Variants in CAPN3 observed in about 807,000 individuals in gnomAD.
CAPN3 encodes calpain-3.
CAPN3 carries 88 observed loss-of-function variants against 114.0 expected under a neutral mutation model. The observed-to-expected ratio is 0.77, with a 90% CI of 0.65 to 0.92. CAPN3 has a LOEUF of 0.92. Ranked by LOEUF, CAPN3 falls within the 40% of genes least tolerant of loss-of-function variation. CAPN3 has a pLI of 0.00. For missense variants in CAPN3, 1,028 were observed against 1,069.0 expected (o/e 0.96, Z 0.53); for synonymous variants, 386 against 382.9 (o/e 1.01, Z -0.09).
At chr15:42,380,696 A>G (rs2053219661) in intron 1 of CAPN3, among the ~76,000 whole-genome samples, 1 of 142,908 alleles carries the variant, frequency 7.0e-6, no homozygotes, top group East Asian at 2.0e-4. Context: ...CCTGTGACAC[A>G]GTTCAAACGG....
intron 2 of CAPN3, among the ~76,000 whole-genome samples, chr15:42,385,078 T>C (rs1276778540): frequency 6.6e-6 from 1 of 152,248 alleles, no homozygotes; most frequent in Non-Finnish European, 1.5e-5. Flanking sequence ...ATTGGTTAGC[T>C]TGACTGCTCC....
intron 1 of CAPN3, among the ~76,000 whole-genome samples, chr15:42,368,153 G>GT (rs2052837088): frequency 6.6e-6 from 1 of 152,172 alleles, no homozygotes; most frequent in South Asian, 2.1e-4. Flanking sequence ...TACTTGAGGT[G>GT]TTTTTGCAGT....
chr15:42,392,564 G>C, intron 6 of CAPN3, 75 bp from the exon 7 acceptor site: 2 of 1,132,660 alleles, frequency 1.8e-6, no homozygotes, highest in Admixed American at 1.9e-5. Context: ...AAATGAACTA[G>C]TATGAACTTT....
In CAPN3 at chr15:42,384,541, A is replaced by G; in HGVS notation, c.368A>G (p.Gln123Arg). The change falls in exon 2 of 24, where the codon CAA becomes CGA. Residue 123 changes from glutamine to arginine, a missense_variant. Gln to Arg is a conservative substitution (Grantham distance 43, BLOSUM62 1). Transcript: ENST00000397163. ...GGAGCCAACAGAACTGACATCTGTCAAGGAGAGCTAGGTAGGAAAGTGCCT... is the reference window on the plus strand; with the variant it reads ...GGAGCCAACAGAACTGACATCTGTCGAGGAGAGCTAGGTAGGAAAGTGCCT... ...IDGANRTDICQGELGDCWFLA... is the reference protein window; with the variant it reads ...IDGANRTDICRGELGDCWFLA... The G allele has an allele frequency of 1.2e-6, 2 of 1,613,304 alleles. No homozygotes were observed. Among genetic ancestry groups the G allele is most frequent in the Non-Finnish European group, 1.7e-6 (2 of 1,179,216 alleles).
At chr15:42,384,403 T>G (rs2053328013) in intron 1 of CAPN3, 80 bp from the exon 2 acceptor site, 2 of 1,031,522 alleles carry the variant, frequency 1.9e-6, no homozygotes, top group Non-Finnish European at 3.1e-6. Context: ...AGAGTGAGAC[T>G]CCGTCTCAAA....
At chr15:42,367,634 T>C (rs2141118783) in intron 1 of CAPN3, among the ~76,000 whole-genome samples, 1 of 152,338 alleles carries the variant, frequency 6.6e-6, no homozygotes, top group South Asian at 2.1e-4. Flanking sequence ...ATAAAGGTTT[T>C]AAAGAGAAAA....
intron 6 of CAPN3, among the ~76,000 whole-genome samples, chr15:42,390,773 GTTTTTTTTGTTTTTTTGT>G (rs2053530409): frequency 7.8e-6 from 1 of 127,456 alleles, no homozygotes; most frequent in Non-Finnish European, 1.7e-5. Flanking sequence ...TTTTCAGTTA[GTTTTTTTTGTTTTTTTGT>G]TTTTTTTTTT....
chr15:42,412,215 T>TAA lies in CAPN3; in HGVS notation c.*443_*444dup. On this transcript the variant is annotated 3_prime_UTR_variant, in exon 24 of 24. Transcript: ENST00000397163. ...TGGGTTCTACTGCTGTGGGGTAAACTAACTCAGTGGAATAGGGCTGGTTAC... is the reference window on the plus strand; with the variant it reads ...TGGGTTCTACTGCTGTGGGGTAAACTAAAACTCAGTGGAATAGGGCTGGTTAC... 6.5e-7 allele frequency: 1 copy of TAA among 1,533,130 alleles called. No individual in the cohort carries two copies. The highest frequency in any genetic ancestry group is 8.7e-7 in the Non-Finnish European group (1 of 1,144,376). The allele number at this position is 1,533,130 out of a possible 1,614,324, so 95.0% of individuals were successfully genotyped here.
intron 6 of CAPN3, among the ~76,000 whole-genome samples, chr15:42,391,347 G>T (rs1397415210): frequency 6.6e-6 from 1 of 152,104 alleles, no homozygotes; most frequent in African/African-American, 2.4e-5. Context: ...TAGAATTGCT[G>T]GGTTGAATGA....
chr15:42,402,539 G>A, intron 12 of CAPN3: 7 of 1,451,460 alleles, frequency 4.8e-6, no homozygotes, highest in Non-Finnish European at 5.4e-6. Context: ...GGGCTTCGGA[G>A]CTGAGGAGCA....
intron 1 of CAPN3, among the ~76,000 whole-genome samples, chr15:42,370,164 C>T (rs1013391569): frequency 6.6e-6 from 1 of 152,116 alleles, no homozygotes; most frequent in African/African-American, 2.4e-5. Flanking sequence ...TGAGTCACTG[C>T]GCCTGGTCTC....
At chr15:42,377,718 T>C (rs540363937) in intron 1 of CAPN3, among the ~76,000 whole-genome samples, 1 of 152,348 alleles carries the variant, frequency 6.6e-6, no homozygotes, top group East Asian at 1.9e-4. Context: ...GCTTCTATTT[T>C]ATGGAAGATA....
In CAPN3 at chr15:42,389,122, G is replaced by A. The variant is rs761160744; in HGVS notation, c.801+26G>A. ...GTAAGTCTGGGGTGTGGGGCACAGG[G>A]TGGGGAGCTCCAAGTGTCAGGAAGC... On this transcript the variant is annotated intron_variant, in intron 5 of 23. Coordinates refer to ENST00000397163, the MANE Select transcript of CAPN3 (RefSeq NM_000070.3). The A allele has an allele frequency of 1.7e-5, 27 of 1,611,698 alleles. 1 individual carries two copies. The South Asian group carries it at 2.7e-4, about 16-fold the overall frequency.
chr15:42,408,078 G>C, intron 15 of CAPN3, 133 bp from the exon 16 acceptor site: 1 of 667,170 alleles, frequency 1.5e-6, no homozygotes, highest in East Asian at 2.9e-5. Context: ...AGCTTGAACC[G>C]AGGTTGAAGA....
intron 2 of CAPN3, among the ~76,000 whole-genome samples, chr15:42,385,301 C>T (rs2053363792): frequency 6.6e-6 from 1 of 152,108 alleles, no homozygotes; most frequent in Admixed American, 6.5e-5. Flanking sequence ...GGTTCCTGCA[C>T]CTGAGGGAAG....
At chr15:42,360,355 C>T (rs1210226351) in intron 1 of CAPN3, among the ~76,000 whole-genome samples, 1 of 149,504 alleles carries the variant, frequency 6.7e-6, no homozygotes, top group African/African-American at 2.5e-5. Flanking sequence ...TATGCTCTGG[C>T]TCTTTCTCTC....
chr15:42,376,483 C>A (rs1300821476), intron 1 of CAPN3, among the ~76,000 whole-genome samples: 1 of 151,338 alleles, frequency 6.6e-6, no homozygotes, highest in African/African-American at 2.4e-5. Flanking sequence ...TAGGTTGTCC[C>A]AGCTTTCTTC....
At chr15:42,373,650 A>G (rs1318984395) in intron 1 of CAPN3, among the ~76,000 whole-genome samples, 6 of 140,294 alleles carry the variant, frequency 4.3e-5, no homozygotes, top group African/African-American at 6.4e-5. Flanking sequence ...GCAACAGTGG[A>G]TATCTGCTCA....
chr15:42,408,878 C>T, intron 16 of CAPN3: 1 of 277,864 alleles, frequency 3.6e-6, no homozygotes, highest in South Asian at 4.0e-5. Flanking sequence ...AGCCCCTCTT[C>T]TATCTGGGGC....
Sources: gnomAD v4.1 joint callset for allele counts (sites outside exome capture counted in the v4.1 genomes callset) on GRCh38, gnomAD v4.1.1 for gene constraint, MANE v1.5 for transcripts, NCBI Gene and HGNC (gene_info 2026-07-23, HGNC 2026-07-21) for gene names.